Variants in GALNT13 observed in about 807,000 individuals in gnomAD.
GALNT13 encodes the protein polypeptide N-acetylgalactosaminyltransferase 13.
Under a neutral mutation model 64.2 loss-of-function variants are expected in GALNT13, and 28 were observed. The observed-to-expected ratio is 0.44, with a 90% CI of 0.32 to 0.60. The LOEUF (loss-of-function observed/expected upper bound fraction) is 0.60. Ranked by LOEUF, GALNT13 falls within the 20% of genes least tolerant of loss-of-function variation. The probability of loss-of-function intolerance (pLI) is 0.05; values close to 1 mark genes in which losing one functional copy is unlikely to be tolerated. For synonymous variants in GALNT13, 214 were observed against 224.6 expected (o/e 0.95, Z 0.42); for missense variants, 577 against 669.8 (o/e 0.86, Z 1.53).
At chr2:153,347,497 G>T in the GALNT13 span, among the ~76,000 whole-genome samples, 4 of 152,166 alleles carry the variant, frequency 2.6e-5, no homozygotes, top group Non-Finnish European at 4.4e-5. Flanking sequence ...CCTCTTCTGA[G>T]CTGTGCCTTC....
chr2:153,999,875 G>C (rs1695783244), intron 3 of GALNT13, among the ~76,000 whole-genome samples: 1 of 151,964 alleles, frequency 6.6e-6, no homozygotes, highest in Non-Finnish European at 1.5e-5. Flanking sequence ...TTTTGCGTGA[G>C]TTTGAGAAGA....
chr2:154,035,886 ATAAT>A (rs1205287463), intron 3 of GALNT13, among the ~76,000 whole-genome samples: 2 of 152,044 alleles, frequency 1.3e-5, no homozygotes, highest in African/African-American at 4.8e-5. Context: ...TAAAGAATAA[ATAAT>A]CTTTGAGATG....
chr2:153,121,847 A>G, the GALNT13 span, among the ~76,000 whole-genome samples: 2 of 152,228 alleles, frequency 1.3e-5, no homozygotes, highest in African/African-American at 2.4e-5. Flanking sequence ...CACTGAAAAC[A>G]GAGGAGTAAA....
At chr2:153,793,859 G>A in the GALNT13 span, among the ~76,000 whole-genome samples, 1 of 152,080 alleles carries the variant, frequency 6.6e-6, no homozygotes, top group African/African-American at 2.4e-5. Flanking sequence ...AGAAACACAT[G>A]TTAAACAAAT....
the GALNT13 span, among the ~76,000 whole-genome samples, chr2:153,249,109 A>G: frequency 0.037 from 5,658 of 152,316 alleles, 339 homozygotes; most frequent in African/African-American, 0.12. Flanking sequence ...TGCAGCTGAC[A>G]TAATTCCATA....
At chr2:154,292,840 A>G (rs1250359232) in intron 8 of GALNT13, among the ~76,000 whole-genome samples, 1 of 152,228 alleles carries the variant, frequency 6.6e-6, no homozygotes, top group African/African-American at 2.4e-5. Flanking sequence ...TGGAACTGAC[A>G]TTGCAAAGTG....
chr2:153,091,023 G>A, the GALNT13 span, among the ~76,000 whole-genome samples: 1 of 152,162 alleles, frequency 6.6e-6, no homozygotes, highest in Admixed American at 6.5e-5. Context: ...AGCAAGCATG[G>A]CTTTCAGACC....
At chr2:153,508,349 G>C in the GALNT13 span, among the ~76,000 whole-genome samples, 1 of 152,158 alleles carries the variant, frequency 6.6e-6, no homozygotes, top group Non-Finnish European at 1.5e-5. Context: ...GGATAGACAT[G>C]TCTGAGCTCA....
At chr2:154,216,612 TAA>T (rs1573895093) in intron 4 of GALNT13, among the ~76,000 whole-genome samples, 2 of 152,194 alleles carry the variant, frequency 1.3e-5, no homozygotes, top group South Asian at 2.1e-4. Context: ...TAAAATATTA[TAA>T]GTTTACTTTT....
chr2:154,351,322 T>A (rs1275826391), intron 9 of GALNT13, among the ~76,000 whole-genome samples: 2 of 152,226 alleles, frequency 1.3e-5, no homozygotes, highest in East Asian at 3.9e-4. Context: ...TTTATCATAT[T>A]CTTCTTGCAT....
chr2:153,175,591 TA>T, the GALNT13 span, among the ~76,000 whole-genome samples: 1 of 152,212 alleles, frequency 6.6e-6, no homozygotes, highest in Non-Finnish European at 1.5e-5. Flanking sequence ...GGCTTTTTAC[TA>T]AAAGAGAAGC....
chr2:153,658,540 A>G, the GALNT13 span, among the ~76,000 whole-genome samples: 3 of 152,090 alleles, frequency 2.0e-5, no homozygotes, highest in Non-Finnish European at 2.9e-5. Flanking sequence ...ATACCATTTT[A>G]CTTCACACAC....
the GALNT13 span, among the ~76,000 whole-genome samples, chr2:153,386,731 A>G: frequency 6.6e-6 from 1 of 152,114 alleles, no homozygotes; most frequent in Non-Finnish European, 1.5e-5. Context: ...ATGCCTACAT[A>G]GTACAATTTC....
At chr2:153,290,571 C>G in the GALNT13 span, among the ~76,000 whole-genome samples, 1 of 152,150 alleles carries the variant, frequency 6.6e-6, no homozygotes, top group Non-Finnish European at 1.5e-5. Flanking sequence ...ATCCAATGAA[C>G]AATACCAATC....
chr2:153,814,902 A>G, the GALNT13 span, among the ~76,000 whole-genome samples: 2 of 152,182 alleles, frequency 1.3e-5, no homozygotes, highest in African/African-American at 4.8e-5. Flanking sequence ...TCCTAGAGCA[A>G]GGAAGGGATG....
At chr2:153,866,272 T>C in the GALNT13 span, among the ~76,000 whole-genome samples, 113 of 141,658 alleles carry the variant, frequency 8.0e-4, 1 homozygote, top group East Asian at 0.022. Flanking sequence ...GTAACTAACC[T>C]GCACAATGTG....
chr2:153,688,991 GGTGTGTGTGTGTGTGTGTGTGTGT>G, the GALNT13 span, among the ~76,000 whole-genome samples: 14 of 130,154 alleles, frequency 1.1e-4, no homozygotes, highest in Non-Finnish European at 2.1e-4. Flanking sequence ...TAGAGGTAGG[GGTGTGTGTGTGTGTGTGTGTGTGT>G]GTGTGTGTGT....
At chr2:153,260,100 GTTTAGC>G in the GALNT13 span, among the ~76,000 whole-genome samples, 32 of 151,964 alleles carry the variant, frequency 2.1e-4, no homozygotes, top group Non-Finnish European at 4.6e-4. Context: ...ACAACTCTAA[GTTTAGC>G]TTTTTCCCTC....
At chr2:153,785,697 C>T in the GALNT13 span, among the ~76,000 whole-genome samples, 2 of 151,820 alleles carry the variant, frequency 1.3e-5, no homozygotes, top group Non-Finnish European at 2.9e-5. Context: ...AGCTTGGGGG[C>T]CTGCTTGCTG....
Sources: gnomAD v4.1 joint callset for allele counts (sites outside exome capture counted in the v4.1 genomes callset) on GRCh38, gnomAD v4.1.1 for gene constraint, MANE v1.5 for transcripts, NCBI Gene and HGNC (gene_info 2026-07-23, HGNC 2026-07-21) for gene names.